Variants in FREM2 observed in about 807,000 individuals in gnomAD.
FREM2 encodes the protein FRAS1-related extracellular matrix protein 2.
FREM2 carries 119 observed loss-of-function variants against 219.9 expected under a neutral mutation model. The observed-to-expected ratio is 0.54, with a 90% CI of 0.47 to 0.63. The LOEUF (loss-of-function observed/expected upper bound fraction) is 0.63, where lower values mean the gene tolerates loss of function less well. FREM2 is among the 30% of genes least tolerant of loss of function. The pLI is 0.00. For missense variants in FREM2, 4,030 were observed against 3,993.6 expected (o/e 1.01, Z -0.25); for synonymous variants, 1,562 against 1,522.8 (o/e 1.03, Z -0.60).
chr13:38,742,418 C>A (rs192710401), intron 2 of FREM2, among the ~76,000 whole-genome samples: 127 of 152,230 alleles, frequency 8.3e-4, no homozygotes, highest in Non-Finnish European at 1.6e-3. Flanking sequence ...GCACAGGGGG[C>A]AAATAACAGC....
intron 4 of FREM2, among the ~76,000 whole-genome samples, chr13:38,781,471 A>G (rs1874115254): frequency 1.3e-5 from 2 of 151,920 alleles, no homozygotes; most frequent in Admixed American, 6.6e-5. Context: ...ATTTTCTTGT[A>G]TACATATTTT....
chr13:38,798,797 C>A (rs977439313), intron 6 of FREM2, among the ~76,000 whole-genome samples: 1 of 152,022 alleles, frequency 6.6e-6, no homozygotes, highest in African/African-American at 2.4e-5. Flanking sequence ...ATTTGTATTT[C>A]TGTCATGTCA....
intron 2 of FREM2, among the ~76,000 whole-genome samples, chr13:38,709,986 TACACACAC>T (rs59108347): frequency 0.075 from 9,707 of 130,292 alleles, 410 homozygotes; most frequent in East Asian, 0.17. Flanking sequence ...TAACTAAAAA[TACACACAC>T]ACACACACAC....
intron 2 of FREM2, among the ~76,000 whole-genome samples, chr13:38,713,104 G>A (rs1198398859): frequency 1.3e-5 from 2 of 152,140 alleles, no homozygotes; most frequent in African/African-American, 2.4e-5. Flanking sequence ...AGTAGCCTGA[G>A]TTACTGAATT....
At chr13:38,735,639 T>G (rs201025643) in intron 2 of FREM2, among the ~76,000 whole-genome samples, 1 of 152,148 alleles carries the variant, frequency 6.6e-6, no homozygotes, top group East Asian at 1.9e-4. Context: ...GTAAATGGTT[T>G]TTGCTGAAAA....
At position 38,687,771 on chromosome 13, in the gene FREM2, G is replaced by C. The variant is rs1033475256; in HGVS notation, c.427G>C (p.Ala143Pro). The change falls in exon 1 of 24, where the codon GCG becomes CCG. Residue 143 changes from alanine (A) to proline (P), a missense_variant. Around this residue, in one of 2 missense-constraint regions of FREM2, gnomAD observed 3,102 missense variants for 2,950.7 expected, o/e 1.05. Coordinates refer to ENST00000280481, the MANE Select transcript of FREM2 (RefSeq NM_207361.6). Reference sequence around the variant, plus strand: ...CGAGGTGCGCTACTCTCACCTGGGCGCGCGCAGCCCGTCTCGGGACCGCGT... The same window carrying C: ...CGAGGTGCGCTACTCTCACCTGGGCCCGCGCAGCCCGTCTCGGGACCGCGT... The part of the protein sequence containing the change: ...PGEVRYSHLG[A>P]RSPSRDRVRL... 2 of 1,538,962 alleles carry C rather than the reference G, an allele frequency of 1.3e-6. No individual in the cohort carries two copies. The highest frequency in any genetic ancestry group is 1.8e-6 in the Non-Finnish European group (2 of 1,139,398).
intron 2 of FREM2, among the ~76,000 whole-genome samples, chr13:38,708,762 G>A (rs543910291): frequency 5.9e-5 from 9 of 152,138 alleles, no homozygotes; most frequent in African/African-American, 2.2e-4. Flanking sequence ...TCAATGTTTT[G>A]TTTTGTTTTG....
intron 15 of FREM2, among the ~76,000 whole-genome samples, chr13:38,863,414 T>C (rs1002589139): frequency 3.3e-5 from 5 of 152,218 alleles, no homozygotes; most frequent in African/African-American, 9.6e-5. Flanking sequence ...AGATTTTGTT[T>C]ATGTGGGTGA....
At chr13:38,724,565 T>C (rs758931586) in intron 2 of FREM2, among the ~76,000 whole-genome samples, 1 of 152,226 alleles carries the variant, frequency 6.6e-6, no homozygotes, top group Non-Finnish European at 1.5e-5. Flanking sequence ...TTATCACTCA[T>C]TGATGTCAAC....
chr13:38,727,661 A>T (rs547696815), intron 2 of FREM2, among the ~76,000 whole-genome samples: 2 of 152,244 alleles, frequency 1.3e-5, no homozygotes, highest in Non-Finnish European at 2.9e-5. Context: ...CTCAATACAC[A>T]CCTAGTGAAT....
chr13:38,873,009 A>G (rs1878217215), intron 17 of FREM2, 75 bp downstream of exon 17: 2 of 1,307,090 alleles, frequency 1.5e-6, no homozygotes, highest in Non-Finnish European at 2.2e-6. Context: ...TTTTTTTGCC[A>G]TTGCTAAAAG....
At position 38,886,726 on chromosome 13, in the gene FREM2, A is replaced by G. The variant is rs1447750445; in HGVS notation, c.*5939A>G. On this transcript the variant is annotated 3_prime_UTR_variant, in exon 24 of 24. Coordinates refer to ENST00000280481, the MANE Select transcript of FREM2 (RefSeq NM_207361.6). The stretch of plus-strand genomic sequence containing the variant: ...TTAAAGCCCATTTGTCTATAAAAGA[A>G]AACTCTTGGACAAGGAGCTTTGTGT... 6.6e-6 allele frequency: 1 copy of G among 152,202 alleles called. No homozygotes were observed. The highest frequency in any genetic ancestry group is 1.5e-5 in the Non-Finnish European group (1 of 68,036). The allele number at this position is 152,202 out of a possible 1,614,324, so 9.4% of individuals were successfully genotyped here.
At chr13:38,718,161 G>T (rs926068142) in intron 2 of FREM2, among the ~76,000 whole-genome samples, 9 of 152,144 alleles carry the variant, frequency 5.9e-5, no homozygotes, top group African/African-American at 2.2e-4. Context: ...CTAGATCAAA[G>T]AATATAGATC....
chr13:38,812,583 G>C (rs1566151038), intron 6 of FREM2, among the ~76,000 whole-genome samples: 1 of 151,962 alleles, frequency 6.6e-6, no homozygotes, highest in Non-Finnish European at 1.5e-5. Flanking sequence ...AGAAAACTAA[G>C]AAAAACTACA....
At chr13:38,792,311 T>C (rs911851313) in intron 6 of FREM2, among the ~76,000 whole-genome samples, 166 of 152,308 alleles carry the variant, frequency 1.1e-3, no homozygotes, top group African/African-American at 3.9e-3. Flanking sequence ...ATCACACCAC[T>C]GCACTCCAGC....
intron 2 of FREM2, among the ~76,000 whole-genome samples, chr13:38,749,962 G>A (rs1872669231): frequency 6.6e-6 from 1 of 152,058 alleles, no homozygotes; most frequent in Non-Finnish European, 1.5e-5. Context: ...AGTTTATCTT[G>A]GCCTAGGAGA....
intron 4 of FREM2, among the ~76,000 whole-genome samples, chr13:38,778,663 GGAA>G (rs2137824576): frequency 6.6e-6 from 1 of 152,108 alleles, no homozygotes; most frequent in Non-Finnish European, 1.5e-5. Context: ...GGTGGGCGGA[GGAA>G]GAAGATCAGG....
intron 4 of FREM2, among the ~76,000 whole-genome samples, chr13:38,773,582 G>A (rs1401240059): frequency 1.3e-5 from 2 of 152,014 alleles, no homozygotes; most frequent in African/African-American, 4.8e-5. Flanking sequence ...CGTTGTGTTT[G>A]TTTGTTTTTT....
At position 38,690,630 on chromosome 13, in the gene FREM2, G is replaced by A. The variant is rs773035234; in HGVS notation, c.3286G>A (p.Asp1096Asn). 5.6e-6 allele frequency: 9 copies of A among 1,613,674 alleles called. No homozygotes were observed. The highest frequency in any genetic ancestry group is 4.0e-5 in the African/African-American group (3 of 75,032). The change falls in exon 1 of 24, where the codon GAC becomes AAC. Residue 1096 changes from aspartate to asparagine, a missense_variant. Asp to Asn is a conservative substitution (Grantham distance 23, BLOSUM62 1). Around this residue, in one of 2 missense-constraint regions of FREM2, gnomAD observed 3,102 missense variants for 2,950.7 expected, o/e 1.05. Coordinates refer to ENST00000280481, the MANE Select transcript of FREM2 (RefSeq NM_207361.6). ...TSVHISAEDV[D>N]SLNDDILCTI... ...AGTGCATATAAGTGCTGAAGATGTC[G>A]ACTCCCTGAATGATGACATCTTGTG...
Sources: gnomAD v4.1 joint callset for allele counts (sites outside exome capture counted in the v4.1 genomes callset) on GRCh38, gnomAD v4.1.1 for gene constraint, gnomAD v4.1.1 regional missense constraint, MANE v1.5 for transcripts, NCBI Gene and HGNC (gene_info 2026-07-23, HGNC 2026-07-21) for gene names.